XYLT1: variants seen among roughly 807,000 people sequenced by gnomAD.
XYLT1 encodes beta-D-xylosyltransferase 1.
In XYLT1, 36 loss-of-function variants were observed where a neutral mutation model predicts 91.3. That is an observed-to-expected ratio of 0.39 (90% CI 0.30 to 0.52). XYLT1 has a LOEUF of 0.52. XYLT1 is among the 20% of genes least tolerant of loss of function. The pLI, the probability that XYLT1 is intolerant of heterozygous loss-of-function variation, is 0.68. For synonymous variants in XYLT1, 588 were observed against 532.0 expected, an observed-to-expected ratio of 1.11 and a Z score of -1.45; for missense variants, 1,242 against 1,284.5, an observed-to-expected ratio of 0.97 and a Z score of 0.51.
chr16:17,441,653 T>C (rs963634677), intron 1 of XYLT1, among the ~76,000 whole-genome samples: 1 of 152,202 alleles, frequency 6.6e-6, no homozygotes, highest in East Asian at 1.9e-4. Context: ...AATTCTTGGA[T>C]GATTTTTTTA....
In XYLT1 at chr16:17,280,720, T is replaced by C. The variant is rs528991676; in HGVS notation, c.403-21222A>G. On this transcript the variant is annotated intron_variant, in intron 2 of 11. Transcript: ENST00000261381. ...TTAATACGTATGTGTTCACATACAA[T>C]GTATAGTGTTATTTTGTGTATCTGT... is the stretch of plus-strand genomic sequence containing the variant. Among the ~76,000 whole-genome samples, 7 of 152,348 alleles carry C rather than the reference T, an allele frequency of 4.6e-5. No homozygotes were observed. In the East Asian group the frequency reaches 7.7e-4, roughly 17 times the overall value.
chr16:17,368,389 C>G (rs1272730618), intron 1 of XYLT1, among the ~76,000 whole-genome samples: 1 of 152,070 alleles, frequency 6.6e-6, no homozygotes, highest in African/African-American at 2.4e-5. Flanking sequence ...CTTAATGAAA[C>G]GATAGTGACA....
intron 11 of XYLT1, among the ~76,000 whole-genome samples, chr16:17,110,775 C>T (rs992262735): frequency 5.3e-5 from 8 of 152,056 alleles, no homozygotes; most frequent in East Asian, 3.9e-4. Context: ...AATCCAGGAC[C>T]GACTGACTCC....
chr16:17,177,761 T>C (rs2031976495), intron 5 of XYLT1, among the ~76,000 whole-genome samples: 1 of 152,142 alleles, frequency 6.6e-6, no homozygotes, highest in Admixed American at 6.5e-5. Flanking sequence ...AGTGAGTCAG[T>C]AGAAAACCAG....
intron 1 of XYLT1, 83 bp downstream of exon 1, chr16:17,470,351 G>A: frequency 8.3e-7 from 1 of 1,197,858 alleles, no homozygotes; most frequent in Middle Eastern, 2.9e-4. Context: ...TCTGATGACC[G>A]AGTTCAAGGG....
At chr16:17,210,096 G>A (rs1213967422) in intron 3 of XYLT1, among the ~76,000 whole-genome samples, 1 of 152,048 alleles carries the variant, frequency 6.6e-6, no homozygotes, top group Non-Finnish European at 1.5e-5. Context: ...GTCTCCCTAT[G>A]CTGCTCAGGC....
At position 17,259,082 on chromosome 16, in the gene XYLT1, G is replaced by A; in HGVS notation, c.819C>T (p.Ser273=). 1 of 1,538,010 alleles carries A rather than the reference G, an allele frequency of 6.5e-7. No homozygotes were observed. The highest frequency in any genetic ancestry group is 1.3e-5 in the South Asian group (1 of 79,122). The change falls in exon 3 of 12, where the codon TCC becomes TCT. Residue 273 remains serine (S), a synonymous_variant. Transcript: ENST00000261381. ...CCCCAATCTCCTGGCGGCAGTGCTT[G>A]GACTTAGCACGGGACAGGGCAGAGA... ...EAISALSRAK[S]KHCRQEIGET... is the part of the protein sequence containing the mutation.
intron 2 of XYLT1, among the ~76,000 whole-genome samples, chr16:17,347,026 G>T (rs565967414): frequency 1.3e-5 from 2 of 152,182 alleles, no homozygotes; most frequent in East Asian, 3.8e-4. Context: ...GGGGGAGCCG[G>T]GGTAGCCCCA....
At chr16:17,247,668 A>G (rs1353140758) in intron 3 of XYLT1, among the ~76,000 whole-genome samples, 1 of 152,178 alleles carries the variant, frequency 6.6e-6, no homozygotes. Flanking sequence ...CAGCCGATAA[A>G]GTGGCAGAGG....
At chr16:17,170,888 C>G (rs2031805594) in intron 5 of XYLT1, among the ~76,000 whole-genome samples, 1 of 152,186 alleles carries the variant, frequency 6.6e-6, no homozygotes, top group Non-Finnish European at 1.5e-5. Context: ...AGTCCTAGTT[C>G]TACTACTTAT....
intron 5 of XYLT1, among the ~76,000 whole-genome samples, chr16:17,187,818 G>C (rs1284765631): frequency 6.6e-6 from 1 of 151,776 alleles, no homozygotes; most frequent in Admixed American, 6.6e-5. Flanking sequence ...AGACAAAGAG[G>C]GGTCTCCACC....
chr16:17,378,724 G>T (rs954641024), intron 1 of XYLT1, among the ~76,000 whole-genome samples: 1 of 152,188 alleles, frequency 6.6e-6, no homozygotes. Context: ...TCACAGCCAG[G>T]AAAACTGAGA....
intron 5 of XYLT1, among the ~76,000 whole-genome samples, chr16:17,166,880 G>C (rs563645733): frequency 1.3e-5 from 2 of 151,968 alleles, no homozygotes; most frequent in African/African-American, 4.8e-5. Flanking sequence ...TCCTCCCTAC[G>C]TCTTTGCCCA....
intron 1 of XYLT1, among the ~76,000 whole-genome samples, chr16:17,365,927 A>G (rs1206701731): frequency 2.0e-5 from 3 of 152,198 alleles, no homozygotes; most frequent in Admixed American, 6.5e-5. Flanking sequence ...AATTCTTTAA[A>G]AAGTACACAG....
chr16:17,310,514 C>T (rs9929287), intron 2 of XYLT1, among the ~76,000 whole-genome samples: 1 of 152,098 alleles, frequency 6.6e-6, no homozygotes, highest in Non-Finnish European at 1.5e-5. Flanking sequence ...CCTCCTCCTA[C>T]TCAGGGTCAG....
chr16:17,259,305 T>C lies in XYLT1; in HGVS notation c.596A>G (p.Gln199Arg). ...TGTATGTCCTTTTCCTTTCTCCTGC[T>C]GTTCCAGCTTCCTTTTCAAAAGCTC... ...QKELLKRKLE[Q>R]QEKGKGHTFP... The change falls in exon 3 of 12, where the codon CAG (glutamine) becomes CGG (arginine). Residue 199 changes from glutamine to arginine, a missense_variant. Physicochemically the swap from Gln to Arg is conservative, Grantham distance 43. Around this residue, in one of 3 missense-constraint regions of XYLT1, gnomAD observed 437 missense variants for 411.5 expected, o/e 1.06. Coordinates refer to ENST00000261381, the MANE Select transcript of XYLT1 (RefSeq NM_022166.4). The C allele has an allele frequency of 6.2e-7, 1 of 1,614,182 alleles. No individual in the cohort carries two copies. Among genetic ancestry groups the C allele is most frequent in the South Asian group, 1.1e-5 (1 of 91,080 alleles).
intron 1 of XYLT1, among the ~76,000 whole-genome samples, chr16:17,435,182 G>C (rs750010443): frequency 1.2e-4 from 18 of 152,224 alleles, no homozygotes; most frequent in Non-Finnish European, 2.4e-4. Flanking sequence ...CCAGGCTGAA[G>C]TGTCAGTACA....
intron 2 of XYLT1, among the ~76,000 whole-genome samples, chr16:17,284,284 A>G (rs2034101146): frequency 6.6e-6 from 1 of 152,140 alleles, no homozygotes; most frequent in African/African-American, 2.4e-5. Flanking sequence ...TCTATTTCTC[A>G]TTCATTCATT....
intron 2 of XYLT1, among the ~76,000 whole-genome samples, chr16:17,345,479 G>T (rs1338080258): frequency 6.6e-5 from 10 of 152,246 alleles, no homozygotes; most frequent in Admixed American, 1.3e-4. Flanking sequence ...GAGAGCCTCT[G>T]CTCCCCAAGC....
Sources: gnomAD v4.1 joint callset for allele counts (sites outside exome capture counted in the v4.1 genomes callset) on GRCh38, gnomAD v4.1.1 for gene constraint, gnomAD v4.1.1 regional missense constraint, MANE v1.5 for transcripts, NCBI Gene and HGNC (gene_info 2026-07-23, HGNC 2026-07-21) for gene names.